The following TANGO6 variants were observed in gnomAD, a reference collection of about 807,000 sequenced individuals.
TANGO6 encodes the protein transport and Golgi organization protein 6 homolog.
A neutral mutation model predicts 114.2 loss-of-function variants in TANGO6; 90 were observed. The ratio of observed to expected loss-of-function variants is 0.79; its 90% confidence interval spans 0.66 to 0.94. The LOEUF (loss-of-function observed/expected upper bound fraction) is 0.94, where lower values mean the gene tolerates loss of function less well. TANGO6 is among the 40% of genes least tolerant of loss of function. TANGO6 has a pLI of 0.00. For missense variants in TANGO6, 1,274 were observed against 1,315.3 expected (o/e 0.97, Z 0.49); for synonymous variants, 477 against 509.8 (o/e 0.94, Z 0.87).
At chr16:69,067,034 C>T (rs1388069133) in intron 17 of TANGO6, among the ~76,000 whole-genome samples, 2 of 152,148 alleles carry the variant, frequency 1.3e-5, no homozygotes. Context: ...GTAGCTGGGA[C>T]CACAAATGCG....
intron 15 of TANGO6, among the ~76,000 whole-genome samples, chr16:69,018,138 T>C (rs1959334808): frequency 2.7e-5 from 3 of 109,566 alleles, no homozygotes; most frequent in Middle Eastern, 4.6e-3. Context: ...GTTGGAAATC[T>C]CTTTTTTTTT....
Position 69,072,026 on chromosome 16 carries a change from CGTGTGTGTGTGTGTGTGT to C in TANGO6, c.3109-11434_3109-11417del, listed in dbSNP as rs58310609. ...AGGGAGGGTGAAGAGAGAGGGAGAC[CGTGTGTGTGTGTGTGTGT>C]GTGTGTGTGTGTGTGTGTGTGTGTA... On this transcript the variant is annotated intron_variant, in intron 17 of 17. Coordinates refer to ENST00000261778, the MANE Select transcript of TANGO6 (RefSeq NM_024562.2). Among the ~76,000 whole-genome samples, 597 of 93,020 alleles carry C rather than the reference CGTGTGTGTGTGTGTGTGT, an allele frequency of 6.4e-3. 7 individuals carry two copies. Among genetic ancestry groups the C allele is most frequent in the African/African-American group, 0.027 (563 of 20,648 alleles). 61.0% of individuals were successfully genotyped at this position (93,020 alleles called of 152,430 possible). A position where few individuals can be genotyped will look rare whatever the true frequency, so the allele number is the denominator to read the frequency against.
At chr16:68,850,132 C>T (rs1034790342) in intron 1 of TANGO6, among the ~76,000 whole-genome samples, 1 of 151,908 alleles carries the variant, frequency 6.6e-6, no homozygotes, top group East Asian at 1.9e-4. Flanking sequence ...TGCCACCAAG[C>T]CCGGCTAATT....
chr16:68,902,271 C>A, intron 8 of TANGO6, 57 bp from the exon 9 acceptor site: 1 of 1,499,742 alleles, frequency 6.7e-7, no homozygotes, highest in Non-Finnish European at 9.0e-7. Context: ...TTTATGTTAG[C>A]TTGTTAGATG....
At chr16:68,973,866 C>A in intron 14 of TANGO6, 162 bp from the exon 15 acceptor site, 1 of 739,820 alleles carries the variant, frequency 1.4e-6, no homozygotes, top group Non-Finnish European at 2.2e-6. Flanking sequence ...CATCTTCGTT[C>A]CACTCACTAT....
chr16:68,904,233 A>G (rs1329480574), intron 9 of TANGO6, among the ~76,000 whole-genome samples: 1 of 152,144 alleles, frequency 6.6e-6, no homozygotes. Flanking sequence ...CAGCCTGCCA[A>G]GTAGCTGGGA....
At chr16:68,934,354 C>G (rs1442476907) in intron 14 of TANGO6, among the ~76,000 whole-genome samples, 2 of 152,042 alleles carry the variant, frequency 1.3e-5, no homozygotes. Context: ...CAAATTCTTT[C>G]TTTATTCAAC....
chr16:68,866,598 C>A (rs966644092), intron 3 of TANGO6, among the ~76,000 whole-genome samples: 9 of 144,142 alleles, frequency 6.2e-5, no homozygotes, highest in South Asian at 2.2e-4. Flanking sequence ...AGTCCGCAGT[C>A]CGGCCTGGGC....
intron 4 of TANGO6, among the ~76,000 whole-genome samples, chr16:68,874,680 G>A (rs1056969565): frequency 2.6e-5 from 4 of 152,138 alleles, no homozygotes; most frequent in Non-Finnish European, 5.9e-5. Flanking sequence ...CAGGCGCGGT[G>A]GCTCATGCCT....
intron 4 of TANGO6, among the ~76,000 whole-genome samples, chr16:68,873,567 G>C (rs1962310951): frequency 6.6e-6 from 1 of 152,134 alleles, no homozygotes; most frequent in Non-Finnish European, 1.5e-5. Context: ...ACCTGCCTTG[G>C]CTTCCCAAAG....
intron 16 of TANGO6, among the ~76,000 whole-genome samples, chr16:69,033,043 C>T (rs1959624974): frequency 6.6e-6 from 1 of 150,982 alleles, no homozygotes; most frequent in African/African-American, 2.4e-5. Flanking sequence ...AAAATTAGCC[C>T]CGTGTGGTGG....
intron 15 of TANGO6, among the ~76,000 whole-genome samples, chr16:68,984,068 T>G (rs1385946723): frequency 6.6e-6 from 1 of 151,864 alleles, no homozygotes. Flanking sequence ...AAATAGCTTT[T>G]GTATGATAGT....
intron 15 of TANGO6, among the ~76,000 whole-genome samples, chr16:68,991,682 G>A (rs1360542091): frequency 6.6e-6 from 1 of 151,984 alleles, no homozygotes; most frequent in East Asian, 1.9e-4. Flanking sequence ...GATGGGCATA[G>A]TGGCATGCAT....
intron 15 of TANGO6, among the ~76,000 whole-genome samples, chr16:68,994,027 C>A (rs948475789): frequency 2.9e-4 from 44 of 152,260 alleles, no homozygotes; most frequent in African/African-American, 9.9e-4. Context: ...CATAGGGTAA[C>A]TTTGTGTAAA....
chr16:68,850,689 A>G (rs538654704), intron 1 of TANGO6, among the ~76,000 whole-genome samples: 1 of 152,300 alleles, frequency 6.6e-6, no homozygotes, highest in Admixed American at 6.5e-5. Context: ...TCTCTGTTGT[A>G]ACTACTCAAC....
At chr16:68,890,177 C>T (rs1962591049) in intron 7 of TANGO6, among the ~76,000 whole-genome samples, 1 of 152,110 alleles carries the variant, frequency 6.6e-6, no homozygotes, top group African/African-American at 2.4e-5. Context: ...CCGAATAGGC[C>T]CCTCATGTTT....
chr16:69,064,163 G>A (rs1387600489), intron 17 of TANGO6, among the ~76,000 whole-genome samples: 2 of 152,050 alleles, frequency 1.3e-5, no homozygotes, highest in African/African-American at 4.8e-5. Context: ...TGGTGTGGGT[G>A]GGAGGTTGTT....
intron 4 of TANGO6, among the ~76,000 whole-genome samples, chr16:68,872,660 C>T (rs1962292345): frequency 7.0e-6 from 1 of 143,100 alleles, no homozygotes. Flanking sequence ...CTTTGCATGC[C>T]TGGTAATTTT....
chr16:68,967,042 G>T (rs1963652845), intron 14 of TANGO6, among the ~76,000 whole-genome samples: 1 of 152,148 alleles, frequency 6.6e-6, no homozygotes, highest in Non-Finnish European at 1.5e-5. Context: ...GAAGTGCTGG[G>T]ATTACAGGTG....
Sources: gnomAD v4.1 joint callset for allele counts (sites outside exome capture counted in the v4.1 genomes callset) on GRCh38, gnomAD v4.1.1 for gene constraint, MANE v1.5 for transcripts, NCBI Gene and HGNC (gene_info 2026-07-23, HGNC 2026-07-21) for gene names.